The following NCOA2 variants were observed in gnomAD, a reference collection of about 807,000 sequenced individuals.
NCOA2 encodes class E basic helix-loop-helix protein 75.
NCOA2 carries 21 observed loss-of-function variants against 145.1 expected under a neutral mutation model. The ratio of observed to expected loss-of-function variants is 0.14; its 90% CI spans 0.10 to 0.21. NCOA2 has a LOEUF of 0.21. NCOA2 is among the 10% of genes least tolerant of loss of function. The pLI is 1.00. For missense variants in NCOA2, 1,472 were observed against 1,837.6 expected (o/e 0.80, Z 3.64); for synonymous variants, 619 against 637.5 (o/e 0.97, Z 0.44).
At chr8:70,127,510 C>T (rs1034701136) in intron 18 of NCOA2, among the ~76,000 whole-genome samples, 1 of 151,868 alleles carries the variant, frequency 6.6e-6, no homozygotes, top group Non-Finnish European at 1.5e-5. Context: ...AAGGGGAGAG[C>T]GAGGAGAGTG....
At chr8:70,180,028 G>A (rs572796489) in intron 4 of NCOA2, among the ~76,000 whole-genome samples, 3 of 152,040 alleles carry the variant, frequency 2.0e-5, no homozygotes, top group African/African-American at 4.8e-5. Context: ...CAATCTTCTC[G>A]CCTTGGCCTC....
Position 70,111,745 on chromosome 8 carries a change from A to G in NCOA2, c.*1887T>C, listed in dbSNP as rs934758663. Reference sequence around the variant, plus strand: ...ATAATGCGTACATATAGAGAGAGATATAAGTATAAATAGGGGTAGTTTGTA... The same window carrying G: ...ATAATGCGTACATATAGAGAGAGATGTAAGTATAAATAGGGGTAGTTTGTA... On this transcript the variant is annotated 3_prime_UTR_variant, in exon 23 of 23. Transcript: ENST00000452400. 6 of 218,006 alleles carry G rather than the reference A, an allele frequency of 2.8e-5. No individual in the cohort carries two copies. The highest frequency in any genetic ancestry group is 6.7e-5 in the African/African-American group (3 of 44,498). 13.5% of individuals were successfully genotyped at this position (218,006 alleles called of 1,614,324 possible).
chr8:70,291,124 A>C (rs559566486), intron 2 of NCOA2, among the ~76,000 whole-genome samples: 14 of 152,368 alleles, frequency 9.2e-5, no homozygotes, highest in Middle Eastern at 6.8e-3. Flanking sequence ...TCAAGTTTGA[A>C]TTGAACCCTA....
At chr8:70,437,165 G>A in the NCOA2 span, among the ~76,000 whole-genome samples, 15 of 152,112 alleles carry the variant, frequency 9.9e-5, no homozygotes, top group Admixed American at 2.6e-4. Context: ...CCTCTGGCTG[G>A]AACAACTTTG....
At chr8:70,124,483 T>C (rs1044906115) in intron 20 of NCOA2, among the ~76,000 whole-genome samples, 1 of 152,050 alleles carries the variant, frequency 6.6e-6, no homozygotes, top group Non-Finnish European at 1.5e-5. Context: ...GGAACATTCT[T>C]TGGAGGAACA....
At chr8:70,379,885 T>C (rs943571416) in intron 1 of NCOA2, among the ~76,000 whole-genome samples, 1 of 152,120 alleles carries the variant, frequency 6.6e-6, no homozygotes, top group African/African-American at 2.4e-5. Flanking sequence ...CATACAAAAA[T>C]GACGCATGGC....
At chr8:70,309,041 C>T (rs547691754) in intron 1 of NCOA2, among the ~76,000 whole-genome samples, 7 of 152,226 alleles carry the variant, frequency 4.6e-5, no homozygotes, top group South Asian at 4.1e-4. Context: ...CTGAAACCCT[C>T]GATCTTAGCA....
chr8:70,385,959 C>T (rs538137701), intron 1 of NCOA2, among the ~76,000 whole-genome samples: 25 of 152,296 alleles, frequency 1.6e-4, no homozygotes, highest in Non-Finnish European at 2.1e-4. Flanking sequence ...CTTTAGTGCA[C>T]GGTTTTCTTC....
chr8:70,377,581 C>T (rs1811795786), intron 1 of NCOA2, among the ~76,000 whole-genome samples: 1 of 152,070 alleles, frequency 6.6e-6, no homozygotes, highest in Non-Finnish European at 1.5e-5. Context: ...TTTGAAATCA[C>T]ATTTTTCAAA....
chr8:70,121,383 A>T lies in NCOA2; in HGVS notation c.4302T>A (p.Asp1434Glu), dbSNP rs756986835. Residue 1434 changes from aspartate (D) to glutamate (E), a missense_variant, in exon 22 of 23, where the codon GAT (aspartate) becomes GAA (glutamate). By Grantham distance (45) the Asp-to-Glu change is conservative (BLOSUM62 2). Coordinates refer to ENST00000452400, the MANE Select transcript of NCOA2 (RefSeq NM_006540.4). ...LSSMGPEQVN[D>E]PALRGGNLFP... ...ACAGGTTGCCTCCCCTCAGAGCAGG[A>T]TCATTAACCTAAGGACAAGAAGACA... 1.2e-6 allele frequency: 2 copies of T among 1,611,000 alleles called. No homozygotes were observed. Among genetic ancestry groups the T allele is most frequent in the Admixed American group, 3.4e-5 (2 of 59,692 alleles).
chr8:70,312,283 G>C (rs1372682987), intron 1 of NCOA2, among the ~76,000 whole-genome samples: 8 of 152,092 alleles, frequency 5.3e-5, no homozygotes. Flanking sequence ...TACAATTTTA[G>C]GCCTTTATAT....
At chr8:70,303,598 ATTATC>A (rs1309432509) in intron 1 of NCOA2, among the ~76,000 whole-genome samples, 1 of 152,220 alleles carries the variant, frequency 6.6e-6, no homozygotes, top group East Asian at 1.9e-4. Flanking sequence ...GATTGCTGTC[ATTATC>A]TTATACTAAA....
At chr8:70,444,403 G>C in the NCOA2 span, among the ~76,000 whole-genome samples, 17 of 152,284 alleles carry the variant, frequency 1.1e-4, no homozygotes, top group East Asian at 3.3e-3. Flanking sequence ...GGATCTTTAT[G>C]ATGAAACTAT....
At chr8:70,355,567 A>AT (rs904021701) in intron 1 of NCOA2, among the ~76,000 whole-genome samples, 12 of 151,538 alleles carry the variant, frequency 7.9e-5, no homozygotes, top group African/African-American at 2.7e-4. Context: ...ATGTCATGAG[A>AT]TTTTTTTGTT....
At chr8:70,141,841 T>C (rs181548014) in intron 13 of NCOA2, among the ~76,000 whole-genome samples, 196 of 152,360 alleles carry the variant, frequency 1.3e-3, no homozygotes, top group African/African-American at 4.5e-3. Context: ...TTGAAGTCTA[T>C]ATGAGACTTT....
chr8:70,322,324 A>C (rs576186684), intron 1 of NCOA2, among the ~76,000 whole-genome samples: 48 of 152,314 alleles, frequency 3.2e-4, no homozygotes, highest in African/African-American at 1.2e-3. Flanking sequence ...ATATATGTTC[A>C]TTCCTATGAT....
chr8:70,244,180 T>C (rs184898866), intron 2 of NCOA2, among the ~76,000 whole-genome samples: 1 of 152,214 alleles, frequency 6.6e-6, no homozygotes, highest in East Asian at 1.9e-4. Context: ...CATATGTGAT[T>C]TGGAAACATA....
intron 4 of NCOA2, among the ~76,000 whole-genome samples, chr8:70,203,905 T>C (rs1410137981): frequency 6.6e-6 from 1 of 152,254 alleles, no homozygotes. Context: ...GTGCGTTCTA[T>C]ATTATATATT....
At chr8:70,367,613 T>C (rs1810832841) in intron 1 of NCOA2, among the ~76,000 whole-genome samples, 1 of 152,184 alleles carries the variant, frequency 6.6e-6, no homozygotes, top group South Asian at 2.1e-4. Context: ...AATTTAAATG[T>C]TTGATCATCA....
Sources: allele counts gnomAD v4.1 joint callset (sites outside exome capture counted in the v4.1 genomes callset), GRCh38; gene constraint gnomAD v4.1.1; transcripts MANE v1.5; gene names NCBI Gene and HGNC (gene_info 2026-07-23, HGNC 2026-07-21).